The following SEMA6D variants were observed in gnomAD, a reference collection of about 807,000 sequenced individuals.
The protein encoded by SEMA6D is semaphorin-6D.
A neutral mutation model predicts 106.6 loss-of-function variants in SEMA6D; 35 were observed. The observed-to-expected ratio is 0.33, with a 90% CI of 0.25 to 0.44. The LOEUF (loss-of-function observed/expected upper bound fraction) is 0.44, where lower values mean the gene tolerates loss of function less well. SEMA6D is among the 20% of genes least tolerant of loss of function. The pLI is 1.00. For synonymous variants in SEMA6D, 499 were observed against 487.7 expected (o/e 1.02, Z -0.31); for missense variants, 1,185 against 1,345.9 (o/e 0.88, Z 1.87).
chr15:47,696,915 A>C (rs1377122910), intron 4 of SEMA6D, among the ~76,000 whole-genome samples: 1 of 152,168 alleles, frequency 6.6e-6, no homozygotes, highest in Non-Finnish European at 1.5e-5. Context: ...ATAAGGACTT[A>C]ATACATGGGA....
At chr15:47,337,800 A>C (rs2144352079) in intron 1 of SEMA6D, among the ~76,000 whole-genome samples, 1 of 152,252 alleles carries the variant, frequency 6.6e-6, no homozygotes, top group East Asian at 1.9e-4. Context: ...TTTATGGTTG[A>C]TCTGGGGAAA....
intron 4 of SEMA6D, among the ~76,000 whole-genome samples, chr15:47,686,115 G>A (rs745780215): frequency 6.6e-6 from 1 of 152,128 alleles, no homozygotes; most frequent in Admixed American, 6.5e-5. Context: ...ATGCATTCCT[G>A]TGCAGTGGCA....
intron 1 of SEMA6D, among the ~76,000 whole-genome samples, chr15:47,401,869 T>C (rs2040411544): frequency 6.6e-6 from 1 of 152,210 alleles, no homozygotes; most frequent in African/African-American, 2.4e-5. Flanking sequence ...AGCACATTTG[T>C]CCAATGTTTT....
chr15:47,388,174 C>G (rs1162524930), intron 1 of SEMA6D, among the ~76,000 whole-genome samples: 1 of 152,068 alleles, frequency 6.6e-6, no homozygotes, highest in Non-Finnish European at 1.5e-5. Flanking sequence ...TTGTTAAGAG[C>G]AAACAAACAA....
chr15:47,261,090 T>A (rs1368405761), intron 1 of SEMA6D, among the ~76,000 whole-genome samples: 2 of 152,192 alleles, frequency 1.3e-5, no homozygotes, highest in African/African-American at 4.8e-5. Flanking sequence ...TACACAGCAA[T>A]GAGGAACAGG....
At chr15:47,368,294 A>G (rs571782819) in intron 1 of SEMA6D, among the ~76,000 whole-genome samples, 1 of 152,326 alleles carries the variant, frequency 6.6e-6, no homozygotes, top group African/African-American at 2.4e-5. Context: ...CTTGAGTCTC[A>G]TAGCCATAAA....
chr15:47,641,178 G>A (rs895392652), intron 4 of SEMA6D, among the ~76,000 whole-genome samples: 3 of 152,334 alleles, frequency 2.0e-5, no homozygotes, highest in Non-Finnish European at 2.9e-5. Flanking sequence ...GCAGCTTGGG[G>A]ATCAGGGTGA....
At chr15:47,714,665 C>T (rs1361579791), upstream of SEMA6D, among the ~76,000 whole-genome samples, 1 of 152,228 alleles carries the variant, frequency 6.6e-6, no homozygotes, top group East Asian at 1.9e-4. Flanking sequence ...GGTGAAAACA[C>T]TCAATTATCT....
intron 2 of SEMA6D, among the ~76,000 whole-genome samples, chr15:47,464,931 T>C (rs2042614957): frequency 6.6e-6 from 1 of 152,158 alleles, no homozygotes; most frequent in Non-Finnish European, 1.5e-5. Flanking sequence ...AAGTTTCTTC[T>C]GCAAATAATC....
At chr15:47,485,499 C>A (rs1419346325) in intron 3 of SEMA6D, among the ~76,000 whole-genome samples, 1 of 152,104 alleles carries the variant, frequency 6.6e-6, no homozygotes, top group Non-Finnish European at 1.5e-5. Context: ...GTGAAATAGT[C>A]TGGTTTAATC....
At chr15:47,723,283 C>T (rs780608812) in intron 1 of SEMA6D, among the ~76,000 whole-genome samples, 8 of 152,146 alleles carry the variant, frequency 5.3e-5, no homozygotes, top group Admixed American at 1.3e-4. Context: ...TCTTTTCAAG[C>T]ATCCTAGAAC....
At chr15:47,217,739 CTTAA>C (rs781614779) in intron 1 of SEMA6D, among the ~76,000 whole-genome samples, 41 of 151,622 alleles carry the variant, frequency 2.7e-4, no homozygotes, top group South Asian at 6.3e-4. Flanking sequence ...CTGGATTTCA[CTTAA>C]TTAAAGTTAA....
At chr15:47,508,027 A>C (rs2044105786) in intron 3 of SEMA6D, among the ~76,000 whole-genome samples, 1 of 152,216 alleles carries the variant, frequency 6.6e-6, no homozygotes, top group Admixed American at 6.5e-5. Context: ...ATAACCATGC[A>C]ATACTGCCTA....
chr15:47,494,795 C>G (rs1188611809), intron 3 of SEMA6D, among the ~76,000 whole-genome samples: 1 of 61,234 alleles, frequency 1.6e-5, no homozygotes, highest in Admixed American at 1.9e-4. Flanking sequence ...TATATAATCT[C>G]CAGATACACA....
At chr15:47,242,241 C>T (rs1030509601) in intron 1 of SEMA6D, among the ~76,000 whole-genome samples, 12 of 151,938 alleles carry the variant, frequency 7.9e-5, no homozygotes, top group Non-Finnish European at 1.3e-4. Context: ...CGGTTTTTGC[C>T]GTTAAAAGTA....
chr15:47,494,703 C>T (rs1043111308), intron 3 of SEMA6D, among the ~76,000 whole-genome samples: 4 of 130,454 alleles, frequency 3.1e-5, no homozygotes, highest in African/African-American at 1.1e-4. Context: ...TTCTTCTAAC[C>T]TCTAAAGTAC....
chr15:47,673,809 C>G (rs982234516), intron 4 of SEMA6D, among the ~76,000 whole-genome samples: 3 of 152,102 alleles, frequency 2.0e-5, no homozygotes, highest in African/African-American at 4.8e-5. Flanking sequence ...CCTCCTACCC[C>G]CAGGATAGCT....
chr15:47,726,707 A>G (rs545936366), intron 1 of SEMA6D, among the ~76,000 whole-genome samples: 22 of 152,218 alleles, frequency 1.4e-4, no homozygotes, highest in Non-Finnish European at 3.2e-4. Context: ...CAGATGAATT[A>G]ATATTTGAAC....
chr15:47,359,359 T>A (rs946733531), intron 1 of SEMA6D: 4 of 152,304 alleles, frequency 2.6e-5, no homozygotes, highest in Non-Finnish European at 5.9e-5. Flanking sequence ...ATAATAATAA[T>A]TTCATAGAGG....
Sources: gnomAD v4.1 joint callset for allele counts (sites outside exome capture counted in the v4.1 genomes callset) on GRCh38, gnomAD v4.1.1 for gene constraint, MANE v1.5 for transcripts, NCBI Gene and HGNC (gene_info 2026-07-23, HGNC 2026-07-21) for gene names.